Variants in NFIL3 observed in about 807,000 individuals in gnomAD.
NFIL3 encodes the protein nuclear factor, interleukin 3 regulated, also known as nuclear factor interleukin-3-regulated protein.
In NFIL3, 5 loss-of-function variants were observed where a neutral mutation model predicts 10.0. That is an observed-to-expected ratio of 0.50 (90% CI 0.26 to 1.06). NFIL3 has a LOEUF of 1.06. NFIL3 is among the 50% of genes least tolerant of loss of function. NFIL3 has a pLI of 0.13. For missense variants in NFIL3, 436 were observed against 547.6 expected (o/e 0.80, Z 2.03); for synonymous variants, 202 against 206.5 (o/e 0.98, Z 0.19).
the NFIL3 span, among the ~76,000 whole-genome samples, chr9:91,439,995 T>G: frequency 6.6e-6 from 1 of 152,168 alleles, no homozygotes. Context: ...GATGTCTTTG[T>G]CTGGATTAGG....
intron 1 of NFIL3, among the ~76,000 whole-genome samples, chr9:91,420,386 C>G (rs1356114738): frequency 1.3e-5 from 2 of 148,218 alleles, no homozygotes; most frequent in Non-Finnish European, 3.0e-5. Context: ...CACACACACA[C>G]ACACAGATTC....
chr9:91,451,234 T>C, the NFIL3 span, among the ~76,000 whole-genome samples: 4 of 152,202 alleles, frequency 2.6e-5, no homozygotes, highest in African/African-American at 9.7e-5. Context: ...TGTTTTACTT[T>C]GTATGCTGCT....
the NFIL3 span, among the ~76,000 whole-genome samples, chr9:91,456,857 A>T: frequency 6.6e-6 from 1 of 152,002 alleles, no homozygotes; most frequent in Non-Finnish European, 1.5e-5. Flanking sequence ...TCCATTTTGA[A>T]TTAACATTTT....
At chr9:91,479,980 C>T in the NFIL3 span, among the ~76,000 whole-genome samples, 19 of 152,260 alleles carry the variant, frequency 1.2e-4, no homozygotes, top group African/African-American at 4.1e-4. Context: ...CTGTGAGCTG[C>T]ACCCACTGTC....
At chr9:91,472,748 G>A in the NFIL3 span, among the ~76,000 whole-genome samples, 2 of 152,158 alleles carry the variant, frequency 1.3e-5, no homozygotes, top group African/African-American at 4.8e-5. Context: ...TTCCATTGCT[G>A]ATGAGGAGCT....
At chr9:91,426,613 G>T (rs938746097), upstream of NFIL3, among the ~76,000 whole-genome samples, 1 of 152,054 alleles carries the variant, frequency 6.6e-6, no homozygotes, top group Non-Finnish European at 1.5e-5. Flanking sequence ...GGGAGGAGGT[G>T]CCTGGACAGG....
the NFIL3 span, among the ~76,000 whole-genome samples, chr9:91,444,464 G>T: frequency 6.6e-6 from 1 of 152,078 alleles, no homozygotes; most frequent in Admixed American, 6.5e-5. Context: ...CTGAAGAATT[G>T]TTGTGTTCCT....
At chr9:91,475,325 T>C in the NFIL3 span, among the ~76,000 whole-genome samples, 1 of 152,276 alleles carries the variant, frequency 6.6e-6, no homozygotes, top group Non-Finnish European at 1.5e-5. Flanking sequence ...TTTATGTATG[T>C]ATTCAAAACT....
chr9:91,468,769 T>C, the NFIL3 span, among the ~76,000 whole-genome samples: 1 of 152,228 alleles, frequency 6.6e-6, no homozygotes, highest in African/African-American at 2.4e-5. Context: ...AAGCCAGTTT[T>C]CCCAGCACCA....
At chr9:91,421,849 C>A (rs1430662451) in intron 1 of NFIL3, among the ~76,000 whole-genome samples, 1 of 152,184 alleles carries the variant, frequency 6.6e-6, no homozygotes, top group African/African-American at 2.4e-5. Flanking sequence ...TTAAATGTTA[C>A]GTTATATATA....
the NFIL3 span, among the ~76,000 whole-genome samples, chr9:91,467,988 A>T: frequency 6.6e-6 from 1 of 152,194 alleles, no homozygotes. Context: ...ATAGTGCTGC[A>T]ATAAACATAT....
chr9:91,438,396 G>A, the NFIL3 span, among the ~76,000 whole-genome samples: 3 of 152,082 alleles, frequency 2.0e-5, no homozygotes, highest in South Asian at 4.1e-4. Context: ...GTTCTTATAA[G>A]TTGTGGATGA....
upstream of NFIL3, among the ~76,000 whole-genome samples, chr9:91,425,047 G>T (rs1833855470): frequency 6.6e-6 from 1 of 152,204 alleles, no homozygotes; most frequent in Admixed American, 6.5e-5. Flanking sequence ...GGCGAAGGGA[G>T]CCATGTTCCC....
chr9:91,454,233 CAA>C, the NFIL3 span, among the ~76,000 whole-genome samples: 36 of 60,006 alleles, frequency 6.0e-4, no homozygotes, highest in Admixed American at 5.5e-4. Context: ...GACTCTGTCT[CAA>C]AAAAAAAAAA....
At chr9:91,480,146 T>A in the NFIL3 span, among the ~76,000 whole-genome samples, 34,985 of 113,612 alleles carry the variant, frequency 0.31, 8,248 homozygotes, top group African/African-American at 0.66. Context: ...AATCTAATAT[T>A]TTTTTTTTTT....
At chr9:91,440,273 T>C in the NFIL3 span, among the ~76,000 whole-genome samples, 1 of 152,102 alleles carries the variant, frequency 6.6e-6, no homozygotes, top group Non-Finnish European at 1.5e-5. Flanking sequence ...ATCCAACTCT[T>C]AAGTCATCCA....
chr9:91,470,814 A>G, the NFIL3 span, among the ~76,000 whole-genome samples: 1 of 152,142 alleles, frequency 6.6e-6, no homozygotes, highest in South Asian at 2.1e-4. Flanking sequence ...TTCAGTTTCC[A>G]TGTAGTTGTG....
chr9:91,451,663 G>T, the NFIL3 span, among the ~76,000 whole-genome samples: 3 of 152,304 alleles, frequency 2.0e-5, no homozygotes, highest in East Asian at 5.8e-4. Context: ...CAAAAAGCAG[G>T]ACTCTTTCTA....
the NFIL3 span, among the ~76,000 whole-genome samples, chr9:91,460,384 C>T: frequency 6.7e-6 from 1 of 149,738 alleles, no homozygotes; most frequent in Non-Finnish European, 1.5e-5. Context: ...AAATGATTCT[C>T]CTGCCTCAGC....
Sources: allele counts gnomAD v4.1 joint callset (sites outside exome capture counted in the v4.1 genomes callset), GRCh38; gene constraint gnomAD v4.1.1; transcripts MANE v1.5; gene names NCBI Gene and HGNC (gene_info 2026-07-23, HGNC 2026-07-21).